Variants in MORN3 observed in about 807,000 individuals in gnomAD.
MORN3 encodes MORN repeat containing 3.
A neutral mutation model predicts 34.7 loss-of-function variants in MORN3; 38 were observed. That is an observed-to-expected ratio of 1.10 (90% CI 0.85 to 1.44). MORN3 has a LOEUF of 1.44. Among genes scored for constraint, MORN3 ranks in the 40% most tolerant of loss-of-function variants. The pLI is 0.00. For missense variants in MORN3, 311 were observed against 321.7 expected, an observed-to-expected ratio of 0.97 and a Z score of 0.25; for synonymous variants, 109 against 115.3, an observed-to-expected ratio of 0.95 and a Z score of 0.35.
At chr12:121,659,079 A>T in intron 2 of MORN3, 112 bp downstream of exon 2, 9 of 1,134,648 alleles carry the variant, frequency 7.9e-6, no homozygotes, top group African/African-American at 1.5e-5. Flanking sequence ...TCCTCCCTGT[A>T]GACCTCCCCT....
chr12:121,671,770 C>A (rs1429957461), upstream of MORN3, among the ~76,000 whole-genome samples: 1 of 151,806 alleles, frequency 6.6e-6, no homozygotes, highest in Admixed American at 6.6e-5. Flanking sequence ...ATCCCAGCTA[C>A]TCGGGAGGCT....
upstream of MORN3, among the ~76,000 whole-genome samples, chr12:121,670,358 T>G (rs114502254): frequency 6.6e-6 from 1 of 152,254 alleles, no homozygotes; most frequent in African/African-American, 2.4e-5. Flanking sequence ...ATATCACATG[T>G]ACTATTAATC....
At chr12:121,672,174 G>C (rs2720021), upstream of MORN3, among the ~76,000 whole-genome samples, 2 of 151,838 alleles carry the variant, frequency 1.3e-5, no homozygotes. Flanking sequence ...AACAAAGACC[G>C]GCCTGGCGGC....
intron 1 of MORN3, among the ~76,000 whole-genome samples, chr12:121,668,073 T>G (rs1291757266): frequency 6.7e-6 from 1 of 150,324 alleles, no homozygotes; most frequent in Non-Finnish European, 1.5e-5. Flanking sequence ...TTTCACCATA[T>G]TGGCCAAGGT....
At chr12:121,661,274 A>C (rs1893572993) in intron 1 of MORN3, among the ~76,000 whole-genome samples, 1 of 152,096 alleles carries the variant, frequency 6.6e-6, no homozygotes, top group East Asian at 1.9e-4. Flanking sequence ...TTCTTTTTAG[A>C]GATGGGGTCT....
intron 1 of MORN3, among the ~76,000 whole-genome samples, chr12:121,668,963 G>A (rs1321304054): frequency 2.6e-5 from 4 of 152,090 alleles, no homozygotes; most frequent in Admixed American, 6.6e-5. Context: ...AGCTGAATGC[G>A]AAGCCCAGAA....
At position 121,649,877 on chromosome 12, in the gene MORN3, T is replaced by C. The variant is rs1181617636; in HGVS notation, c.*1774A>G. 1.3e-5 allele frequency: 2 copies of C among 150,650 alleles called. No homozygotes were observed. The highest frequency in any genetic ancestry group is 2.4e-5 in the African/African-American group (1 of 40,904). 9.3% of individuals were successfully genotyped at this position (150,650 alleles called of 1,614,324 possible). On this transcript the variant is annotated 3_prime_UTR_variant, in exon 6 of 6. Coordinates refer to ENST00000355329, the MANE Select transcript of MORN3 (RefSeq NM_173855.5). ...GTGCTGAATTCTTTTTTTTTTTTTT[T>C]TTTGTAGCATGGTGATATTGCACTA...
chr12:121,659,412 G>T, intron 1 of MORN3, 64 bp from the exon 2 acceptor site: 7 of 1,586,038 alleles, frequency 4.4e-6, no homozygotes, highest in Non-Finnish European at 6.0e-6. Context: ...TGGTGTGCCT[G>T]CCTGAGCCTC....
At chr12:121,661,648 C>T (rs1448210794) in intron 1 of MORN3, among the ~76,000 whole-genome samples, 2 of 151,846 alleles carry the variant, frequency 1.3e-5, no homozygotes, top group Non-Finnish European at 2.9e-5. Context: ...GGCCGAGGCG[C>T]GCTGATCACT....
At chr12:121,669,920 C>T (rs1893907009), upstream of MORN3, among the ~76,000 whole-genome samples, 1 of 150,930 alleles carries the variant, frequency 6.6e-6, no homozygotes, top group Admixed American at 6.6e-5. Context: ...GTTGCCCAGG[C>T]TGGAGTGCAG....
chr12:121,656,419 G>A (rs549734615), intron 2 of MORN3, among the ~76,000 whole-genome samples: 3 of 152,216 alleles, frequency 2.0e-5, no homozygotes, highest in East Asian at 1.9e-4. Context: ...AGCCTCCTGA[G>A]ATCAAGCAAT....
At position 121,650,321 on chromosome 12, in the gene MORN3, G is replaced by A. The variant is rs1555324905; in HGVS notation, c.*1330C>T. 6.6e-6 allele frequency: 1 copy of A among 151,942 alleles called. No individual in the cohort carries two copies. The highest frequency in any genetic ancestry group is 1.5e-5 in the Non-Finnish European group (1 of 68,098). The allele number at this position is 151,942 out of a possible 1,614,324, so 9.4% of individuals were successfully genotyped here. A position where few individuals can be genotyped will look rare whatever the true frequency, so the allele number is the denominator to read the frequency against. ...CAAGGCGGGCAGATCACGAGGTCAG[G>A]AGATCGAGACCGTCCTGGCCAACAT... is the stretch of plus-strand genomic sequence containing the variant. On this transcript the variant is annotated 3_prime_UTR_variant, in exon 6 of 6. Coordinates refer to ENST00000355329, the MANE Select transcript of MORN3 (RefSeq NM_173855.5).
chr12:121,654,255 G>T lies in MORN3; in HGVS notation c.463+19C>A. ...GGGCGTGGTCGGGTGGGCGGGGCCG[G>T]CGGGGGTGGGGCACTCACTCAGGCG... is the stretch of plus-strand genomic sequence containing the variant. On this transcript the variant is annotated intron_variant, in intron 3 of 5. Coordinates refer to ENST00000355329, the MANE Select transcript of MORN3 (RefSeq NM_173855.5). 3.3e-6 allele frequency: 5 copies of T among 1,526,558 alleles called. No individual in the cohort carries two copies. Among genetic ancestry groups the T allele is most frequent in the Non-Finnish European group, 4.4e-6 (5 of 1,135,582 alleles). The allele number at this position is 1,526,558 out of a possible 1,614,324, so 94.6% of individuals were successfully genotyped here. A position where few individuals can be genotyped will look rare whatever the true frequency, so the allele number is the denominator to read the frequency against.
intron 2 of MORN3, 28 bp downstream of exon 2, chr12:121,659,137 GCACACACACACACACACACACACACA>G: frequency 6.7e-7 from 1 of 1,484,614 alleles, no homozygotes; most frequent in Non-Finnish European, 9.1e-7. Context: ...ACACACGCGC[GCACACACACACACACACACACACACA>G]CACACCCCGG....
chr12:121,654,084 A>G (rs1555325419), intron 3 of MORN3, among the ~76,000 whole-genome samples, 190 bp downstream of exon 3: 1 of 151,976 alleles, frequency 6.6e-6, no homozygotes, highest in Non-Finnish European at 1.5e-5. Context: ...ATAGCATCAT[A>G]TATATGTGAC....
chr12:121,665,419 T>C (rs1740208214), intron 1 of MORN3, among the ~76,000 whole-genome samples: 2 of 148,116 alleles, frequency 1.4e-5, no homozygotes, highest in African/African-American at 4.9e-5. Flanking sequence ...GCCTCCTCAG[T>C]AGCTGGGACT....
chr12:121,670,712 G>T (rs1893935046), upstream of MORN3, among the ~76,000 whole-genome samples: 1 of 151,976 alleles, frequency 6.6e-6, no homozygotes, highest in African/African-American at 2.4e-5. Flanking sequence ...AGGAGGCTGA[G>T]GCATGAGAAC....
At chr12:121,658,915 T>C (rs1312833614) in intron 2 of MORN3, among the ~76,000 whole-genome samples, 1 of 152,162 alleles carries the variant, frequency 6.6e-6, no homozygotes, top group African/African-American at 2.4e-5. Flanking sequence ...TGGAGGCGAC[T>C]TCGTCCCCAC....
At chr12:121,666,952 C>CTTTTTTT (rs376062157) in intron 1 of MORN3, among the ~76,000 whole-genome samples, 10 of 108,162 alleles carry the variant, frequency 9.2e-5, no homozygotes, top group African/African-American at 1.1e-4. Flanking sequence ...CCCACAACCT[C>CTTTTTTT]TTTTTTTTTT....
Sources: allele counts gnomAD v4.1 joint callset (sites outside exome capture counted in the v4.1 genomes callset), GRCh38; gene constraint gnomAD v4.1.1; transcripts MANE v1.5; gene names NCBI Gene and HGNC (gene_info 2026-07-23, HGNC 2026-07-21).